Variants in PSEN1 observed in about 807,000 individuals in gnomAD.
The protein encoded by PSEN1 is presenilin-1.
Under a neutral mutation model 53.5 loss-of-function variants are expected in PSEN1, and 15 were observed. The ratio of observed to expected loss-of-function variants is 0.28; its 90% CI spans 0.19 to 0.43. PSEN1 has a LOEUF of 0.43. Among genes scored for constraint, PSEN1 ranks in the 20% least tolerant of loss-of-function variants. The probability of loss-of-function intolerance (pLI) is 1.00; values close to 1 mark genes in which losing one functional copy is unlikely to be tolerated. For missense variants in PSEN1, 387 were observed against 571.2 expected, an observed-to-expected ratio of 0.68 and a Z score of 3.29; for synonymous variants, 208 against 209.8, an observed-to-expected ratio of 0.99 and a Z score of 0.08.
chr14:73,140,710 A>T (rs1896901476), intron 1 of PSEN1, among the ~76,000 whole-genome samples: 1 of 152,216 alleles, frequency 6.6e-6, no homozygotes, highest in Admixed American at 6.5e-5. Context: ...AAAAATCTGA[A>T]TTCTAAACAC....
chr14:73,202,863 A>AT (rs1221384379), intron 8 of PSEN1, among the ~76,000 whole-genome samples: 1 of 152,088 alleles, frequency 6.6e-6, no homozygotes, highest in Non-Finnish European at 1.5e-5. Context: ...ATTTGCATGT[A>AT]TTTTTTTAAA....
At chr14:73,191,941 A>G (rs1461653699) in intron 6 of PSEN1, among the ~76,000 whole-genome samples, 1 of 152,082 alleles carries the variant, frequency 6.6e-6, no homozygotes, top group Non-Finnish European at 1.5e-5. Flanking sequence ...ATTTTTTCTA[A>G]TTTCAGATGT....
At chr14:73,160,664 A>T (rs145370761) in intron 3 of PSEN1, among the ~76,000 whole-genome samples, 27 of 151,802 alleles carry the variant, frequency 1.8e-4, no homozygotes, top group African/African-American at 6.3e-4. Flanking sequence ...TTTTCCCCCC[A>T]TATTACACAG....
At chr14:73,142,346 A>G (rs1316609118) in intron 1 of PSEN1, among the ~76,000 whole-genome samples, 1 of 152,226 alleles carries the variant, frequency 6.6e-6, no homozygotes, top group Non-Finnish European at 1.5e-5. Flanking sequence ...GATGCAGCAG[A>G]AAATACTTGT....
chr14:73,213,626 G>A, intron 10 of PSEN1, among the ~76,000 whole-genome samples: 1 of 152,138 alleles, frequency 6.6e-6, no homozygotes, highest in East Asian at 1.9e-4. Context: ...TTGCTAAAAG[G>A]CACAAATGTC....
intron 9 of PSEN1, among the ~76,000 whole-genome samples, chr14:73,207,619 T>TC (rs1301361657): frequency 6.6e-6 from 1 of 152,200 alleles, no homozygotes; most frequent in African/African-American, 2.4e-5. Flanking sequence ...CAGAACAAGG[T>TC]CATGTTAGAC....
chr14:73,183,077 A>C (rs1898271986), intron 5 of PSEN1, among the ~76,000 whole-genome samples: 1 of 152,106 alleles, frequency 6.6e-6, no homozygotes, highest in Admixed American at 6.6e-5. Context: ...TTTAGGCTAA[A>C]GTTGAAGTAT....
intron 8 of PSEN1, among the ~76,000 whole-genome samples, chr14:73,201,201 C>T (rs1028867979): frequency 9.2e-5 from 14 of 152,064 alleles, no homozygotes; most frequent in Non-Finnish European, 1.3e-4. Flanking sequence ...CATTCTCCTG[C>T]CTCAGCCTCC....
chr14:73,147,289 T>C (rs1180309313), intron 1 of PSEN1, among the ~76,000 whole-genome samples: 1 of 152,184 alleles, frequency 6.6e-6, no homozygotes, highest in Non-Finnish European at 1.5e-5. Context: ...TGGCTGAGTC[T>C]GCGATTTCTT....
intron 11 of PSEN1, among the ~76,000 whole-genome samples, chr14:73,218,004 T>G (rs925165259): frequency 1.4e-4 from 21 of 151,478 alleles, no homozygotes; most frequent in Admixed American, 5.9e-4. Flanking sequence ...GCCAGGCTCC[T>G]CTTGAACTCC....
rs1203483109 is a variant in PSEN1, at chr14:73,211,818, G to C, written c.1005G>C (p.Gly335=). 1 of 1,614,088 alleles carries C rather than the reference G, an allele frequency of 6.2e-7. No homozygotes were observed. The highest frequency in any genetic ancestry group is 2.2e-5 in the East Asian group (1 of 44,874). ...QDTVAENDDG[G]FSEEWEAQRD... is the part of the protein sequence containing the mutation. ...CTGTTGCAGAGAATGATGATGGCGG[G>C]TTCAGTGAGGAATGGGAAGCCCAGA... Residue 335 remains glycine, a synonymous_variant, in exon 10 of 12, where the codon GGG becomes GGC. Transcript: ENST00000324501.
intron 3 of PSEN1, among the ~76,000 whole-genome samples, chr14:73,151,308 A>G (rs1242643880): frequency 1.3e-5 from 2 of 152,216 alleles, no homozygotes; most frequent in African/African-American, 4.8e-5. Context: ...CTGCAGTGAC[A>G]TACTAATTCA....
At chr14:73,175,667 G>A (rs1266791027) in intron 5 of PSEN1, among the ~76,000 whole-genome samples, 2 of 152,068 alleles carry the variant, frequency 1.3e-5, no homozygotes, top group Non-Finnish European at 2.9e-5. Flanking sequence ...TTTGATTCAA[G>A]TGCCTTGTAA....
At chr14:73,175,455 AAC>A (rs1265655518) in intron 5 of PSEN1, among the ~76,000 whole-genome samples, 3 of 152,090 alleles carry the variant, frequency 2.0e-5, no homozygotes, top group Non-Finnish European at 4.4e-5. Flanking sequence ...CAGCCTGAGC[AAC>A]ATAGTAAGAC....
intron 3 of PSEN1, among the ~76,000 whole-genome samples, chr14:73,162,477 A>G (rs1166830646): frequency 6.7e-6 from 1 of 148,874 alleles, no homozygotes; most frequent in African/African-American, 2.5e-5. Context: ...TGAGAAGGAG[A>G]GAGAGAGAGA....
Position 73,211,914 on chromosome 14 carries a change from T to A in PSEN1, c.1101T>A (p.Ser367Arg), listed in dbSNP as rs777093611. Residue 367 changes from serine (S) to arginine (R), a missense_variant, in exon 10 of 12, where the codon AGT becomes AGA. Coordinates refer to ENST00000324501, the MANE Select transcript of PSEN1 (RefSeq NM_000021.4). ...SRAAVQELSSSILAGEDPEER... is the reference protein window; with the variant it reads ...SRAAVQELSSRILAGEDPEER... ...CTGCTGTCCAGGAACTTTCCAGCAGTATCCTCGCTGGTGAAGACCCAGAGG... is the reference window on the plus strand; with the variant it reads ...CTGCTGTCCAGGAACTTTCCAGCAGAATCCTCGCTGGTGAAGACCCAGAGG... 1.1e-5 allele frequency: 17 copies of A among 1,613,860 alleles called. No individual in the cohort carries two copies. The highest frequency in any genetic ancestry group is 1.4e-5 in the Non-Finnish European group (16 of 1,179,956).
chr14:73,216,340 G>A (rs1008202634), intron 10 of PSEN1, among the ~76,000 whole-genome samples: 2 of 152,200 alleles, frequency 1.3e-5, no homozygotes, highest in Non-Finnish European at 2.9e-5. Context: ...CATGTGGATT[G>A]TGATGATAGT....
intron 5 of PSEN1, among the ~76,000 whole-genome samples, chr14:73,184,902 C>G (rs1353672911): frequency 6.9e-6 from 1 of 144,922 alleles, no homozygotes; most frequent in Non-Finnish European, 1.5e-5. Context: ...GGCGGCCGGG[C>G]AGAGATGCTC....
At chr14:73,206,707 A>G (rs1393763275) in intron 9 of PSEN1, among the ~76,000 whole-genome samples, 1 of 152,050 alleles carries the variant, frequency 6.6e-6, no homozygotes, top group Non-Finnish European at 1.5e-5. Context: ...AATACAGAAT[A>G]CCAGCATGGA....
Sources: allele counts gnomAD v4.1 joint callset (sites outside exome capture counted in the v4.1 genomes callset), GRCh38; gene constraint gnomAD v4.1.1; transcripts MANE v1.5; gene names NCBI Gene and HGNC (gene_info 2026-07-23, HGNC 2026-07-21).